Variants in OSBPL6 observed in about 807,000 individuals in gnomAD.
OSBPL6 encodes the protein oxysterol-binding protein-related protein 6.
In OSBPL6, 49 loss-of-function variants were observed where a neutral mutation model predicts 125.8. The observed-to-expected ratio is 0.39, with a 90% CI of 0.31 to 0.49. The LOEUF is 0.49. OSBPL6 is among the 20% of genes least tolerant of loss of function. The pLI is 0.88. For synonymous variants in OSBPL6, 394 were observed against 391.8 expected (o/e 1.01, Z -0.07); for missense variants, 986 against 1,135.4 (o/e 0.87, Z 1.89).
intron 1 of OSBPL6, among the ~76,000 whole-genome samples, chr2:178,260,353 C>T (rs990606267): frequency 1.4e-4 from 20 of 138,320 alleles, no homozygotes; most frequent in African/African-American, 5.8e-4. Context: ...AATTGACTTC[C>T]AAGCTATATG....
chr2:178,340,630 C>A (rs1371198685), intron 11 of OSBPL6, among the ~76,000 whole-genome samples: 1 of 151,966 alleles, frequency 6.6e-6, no homozygotes, highest in East Asian at 1.9e-4. Flanking sequence ...TGGCCCTTAT[C>A]CTGCACAATC....
At chr2:178,345,832 A>C (rs1690645608) in intron 11 of OSBPL6, among the ~76,000 whole-genome samples, 1 of 152,212 alleles carries the variant, frequency 6.6e-6, no homozygotes, top group African/African-American at 2.4e-5. Context: ...TCATTCTTTT[A>C]AATTGCAGAT....
At chr2:178,252,573 T>G (rs1339005701) in intron 1 of OSBPL6, among the ~76,000 whole-genome samples, 1 of 152,032 alleles carries the variant, frequency 6.6e-6, no homozygotes, top group Non-Finnish European at 1.5e-5. Context: ...GGGTTCAAAC[T>G]CAGATTTTGC....
intron 1 of OSBPL6, among the ~76,000 whole-genome samples, chr2:178,283,104 C>T (rs1339418031): frequency 1.3e-5 from 2 of 152,172 alleles, no homozygotes; most frequent in Admixed American, 6.5e-5. Flanking sequence ...CCTTAGTATT[C>T]AAGGTCATCA....
intron 4 of OSBPL6, 47 bp downstream of exon 4, chr2:178,324,316 C>G (rs1688507846): frequency 1.5e-6 from 2 of 1,341,552 alleles, no homozygotes; most frequent in Non-Finnish European, 2.1e-6. Flanking sequence ...GATGCCTGCT[C>G]TGGGGCCAAT....
At chr2:178,199,704 A>G (rs577992510) in intron 1 of OSBPL6, among the ~76,000 whole-genome samples, 1 of 152,078 alleles carries the variant, frequency 6.6e-6, no homozygotes, top group South Asian at 2.1e-4. Flanking sequence ...AGCCTTGTAC[A>G]TAGTGGACAT....
intron 1 of OSBPL6, among the ~76,000 whole-genome samples, chr2:178,263,807 G>A (rs945993834): frequency 1.9e-3 from 4 of 2,102 alleles, no homozygotes; most frequent in African/African-American, 2.2e-3. Context: ...CTGTGTACAC[G>A]TGTGTGTGTG....
chr2:178,344,254 GTT>G (rs748165423), intron 11 of OSBPL6: 73 of 1,585,916 alleles, frequency 4.6e-5, no homozygotes, highest in Non-Finnish European at 6.2e-5. Flanking sequence ...CCCGTCCTGT[GTT>G]TCCTCCCCTC....
At position 178,401,135 on chromosome 2, in the gene OSBPL6, TG is replaced by T; in HGVS notation, c.*5579del. On this transcript the variant is annotated 3_prime_UTR_variant, in exon 25 of 25. Transcript: ENST00000190611. Reference sequence around the variant, plus strand: ...CTTGGTGGTGGCGCTGAGGAAACCCTGGGAAGTGTTTTTCTCTTCTGTGTAA... The same window carrying T: ...CTTGGTGGTGGCGCTGAGGAAACCCTGGAAGTGTTTTTCTCTTCTGTGTAA... The T allele has an allele frequency of 6.6e-6, 1 of 152,334 alleles. No homozygotes were observed. Among genetic ancestry groups the T allele is most frequent in the East Asian group, 1.9e-4 (1 of 5,188 alleles). The allele number at this position is 152,334 out of a possible 1,614,324, so 9.4% of individuals were successfully genotyped here. A position where few individuals can be genotyped will look rare whatever the true frequency, so the allele number is the denominator to read the frequency against.
intron 5 of OSBPL6, among the ~76,000 whole-genome samples, chr2:178,330,131 T>C (rs1689071736): frequency 6.6e-6 from 1 of 152,190 alleles, no homozygotes; most frequent in Non-Finnish European, 1.5e-5. Context: ...ATCCTTTGTG[T>C]TTCCCCAAAT....
chr2:178,346,918 A>G (rs944895955), intron 11 of OSBPL6, among the ~76,000 whole-genome samples: 3 of 152,202 alleles, frequency 2.0e-5, no homozygotes. Context: ...GAAGTATGTG[A>G]AAATTAGTTC....
chr2:178,208,684 CCCTTCCCCTCCATTT>C (rs1409277119), intron 1 of OSBPL6, among the ~76,000 whole-genome samples: 1 of 78,386 alleles, frequency 1.3e-5, no homozygotes, highest in Non-Finnish European at 2.8e-5. Flanking sequence ...CCTCTCCCCT[CCCTTCCCCTCCATTT>C]CCTTCCCCTC....
rs1046912749 is a variant in OSBPL6 at position 178,306,401 on chromosome 2, T to G, written c.102+115T>G. ...TTGTTGTAAAGTCTTTTATTCCAAG[T>G]GAAAAATCGTCATTTTCTGTAGGTA... On this transcript the variant is annotated intron_variant, in intron 3 of 24. Coordinates refer to ENST00000190611, the MANE Select transcript of OSBPL6 (RefSeq NM_032523.4). 2.6e-5 allele frequency: 17 copies of G among 662,106 alleles called. No homozygotes were observed. In the African/African-American group the frequency reaches 2.9e-4, roughly 11 times the overall value. The allele number at this position is 662,106 out of a possible 1,614,324, so 41.0% of individuals were successfully genotyped here. A position where few individuals can be genotyped will look rare whatever the true frequency, so the allele number is the denominator to read the frequency against.
intron 2 of OSBPL6, among the ~76,000 whole-genome samples, chr2:178,292,984 T>C (rs77688778): frequency 0.022 from 2,758 of 124,662 alleles, 142 homozygotes; most frequent in East Asian, 0.13. Flanking sequence ...TTTTGGCATT[T>C]GAATTTATTT....
rs369513799 is a variant in OSBPL6, at chr2:178,389,000, C to G, written c.2157-9C>G. ...GGTTGTTTTTCATCAGTGTTACATTCTTCACTAGGTATGGAGATTACTATG... is the reference window on the plus strand; with the variant it reads ...GGTTGTTTTTCATCAGTGTTACATTGTTCACTAGGTATGGAGATTACTATG... On this transcript the variant is annotated splice_polypyrimidine_tract_variant and intron_variant, in intron 20 of 24. Transcript: ENST00000190611. 8.7e-6 allele frequency: 14 copies of G among 1,612,702 alleles called. No homozygotes were observed. Among genetic ancestry groups the G allele is most frequent in the Non-Finnish European group, 1.1e-5 (13 of 1,179,576 alleles).
At position 178,371,775 on chromosome 2, in the gene OSBPL6, T is replaced by C. The variant is rs182268609; in HGVS notation, c.1288-351T>C. Among the ~76,000 whole-genome samples, 15 of 152,158 alleles carry C rather than the reference T, an allele frequency of 9.9e-5. No homozygotes were observed. In the East Asian group the frequency reaches 2.5e-3, roughly 25 times the overall value. On this transcript the variant is annotated intron_variant, in intron 13 of 24. Coordinates refer to ENST00000190611, the MANE Select transcript of OSBPL6 (RefSeq NM_032523.4). ...ATGAAAGAATTTTCAATGAAAACAA[T>C]AGTTTTCATCACAGGCTGCAAAAAG...
At chr2:178,241,268 C>T (rs2091279941) in intron 1 of OSBPL6, among the ~76,000 whole-genome samples, 1 of 151,844 alleles carries the variant, frequency 6.6e-6, no homozygotes, top group African/African-American at 2.4e-5. Context: ...TGCACGCCAC[C>T]ACGCCCAGCT....
rs927484841 is a variant in OSBPL6, at chr2:178,276,740, ACTT to A, written c.-350-8182_-350-8180del. 6.8e-5 allele frequency among the ~76,000 whole-genome samples: 10 copies of A among 147,558 alleles called. No individual in the cohort carries two copies. The East Asian group carries it at 1.4e-3, about 20-fold the overall frequency. ...TCCGTGAATCCATTGCTTCCTCAGA[ACTT>A]CTTCATTTTGTTTTCCCTTTTATTA... is the stretch of plus-strand genomic sequence containing the variant. On this transcript the variant is annotated intron_variant, in intron 1 of 24. Coordinates refer to ENST00000190611, the MANE Select transcript of OSBPL6 (RefSeq NM_032523.4).
chr2:178,196,613 T>A (rs1163757747), intron 1 of OSBPL6, among the ~76,000 whole-genome samples: 3 of 152,162 alleles, frequency 2.0e-5, no homozygotes, highest in South Asian at 2.1e-4. Flanking sequence ...AAAAATAAAG[T>A]CCTTCCAAGA....
Sources: allele counts gnomAD v4.1 joint callset (sites outside exome capture counted in the v4.1 genomes callset), GRCh38; gene constraint gnomAD v4.1.1; transcripts MANE v1.5; gene names NCBI Gene and HGNC (gene_info 2026-07-23, HGNC 2026-07-21).